ZNF438: variants seen among roughly 807,000 people sequenced by gnomAD.
The protein encoded by ZNF438 is zinc finger protein 438.
Under a neutral mutation model 38.0 loss-of-function variants are expected in ZNF438, and 25 were observed. The observed-to-expected ratio is 0.66, with a 90% CI of 0.48 to 0.92. The LOEUF (loss-of-function observed/expected upper bound fraction) is 0.92, where lower values mean the gene tolerates loss of function less well. Ranked by LOEUF, ZNF438 falls within the 40% of genes least tolerant of loss-of-function variation. The probability of loss-of-function intolerance (pLI) is 0.00; values close to 1 mark genes in which losing one functional copy is unlikely to be tolerated. For missense variants in ZNF438, 1,007 were observed against 999.6 expected, an observed-to-expected ratio of 1.01 and a Z score of -0.10; for synonymous variants, 372 against 364.1, an observed-to-expected ratio of 1.02 and a Z score of -0.25.
chr10:30,935,881 T>C (rs1195433164), intron 2 of ZNF438, among the ~76,000 whole-genome samples: 1 of 152,162 alleles, frequency 6.6e-6, no homozygotes, highest in Non-Finnish European at 1.5e-5. Flanking sequence ...AACTGCCCCA[T>C]GATCCAATCA....
chr10:30,904,536 C>T (rs898300888), intron 3 of ZNF438, among the ~76,000 whole-genome samples: 2 of 152,184 alleles, frequency 1.3e-5, no homozygotes, highest in Non-Finnish European at 2.9e-5. Flanking sequence ...TTCTAACTGA[C>T]ACAGCCAGAG....
chr10:30,865,562 T>G (rs2036288753), intron 4 of ZNF438, among the ~76,000 whole-genome samples: 1 of 152,244 alleles, frequency 6.6e-6, no homozygotes, highest in African/African-American at 2.4e-5. Flanking sequence ...TAAAGAACAC[T>G]AGGACTGAAA....
chr10:30,984,273 G>A (rs541960618), intron 1 of ZNF438, 96 bp downstream of exon 2: 1 of 152,240 alleles, frequency 6.6e-6, no homozygotes, highest in East Asian at 1.9e-4. Flanking sequence ...AATTGCTGAA[G>A]TAAGATATGC....
At chr10:31,030,256 C>A (rs1304603345) in intron 1 of ZNF438, among the ~76,000 whole-genome samples, 2 of 152,176 alleles carry the variant, frequency 1.3e-5, no homozygotes, top group Admixed American at 6.5e-5. Context: ...CCCTGTTCCC[C>A]CACTGTCCTC....
chr10:30,927,104 C>A (rs949802768), intron 2 of ZNF438, among the ~76,000 whole-genome samples: 1 of 152,172 alleles, frequency 6.6e-6, no homozygotes, highest in African/African-American at 2.4e-5. Flanking sequence ...TATCACTTAA[C>A]GTGCCAAGAC....
At chr10:30,848,548 C>T in exon 5 of ZNF438, 1 of 1,613,468 alleles carries the variant, frequency 6.2e-7, no homozygotes. Context: ...ATGATCCCTC[C>T]ATGCCTCGCA....
intron 1 of ZNF438, among the ~76,000 whole-genome samples, chr10:30,963,329 T>G (rs1168351661): frequency 7.1e-6 from 1 of 141,352 alleles, no homozygotes; most frequent in Non-Finnish European, 1.5e-5. Flanking sequence ...GAGGTGGAAG[T>G]TGAAGTGAGC....
At chr10:30,950,487 T>C (rs530748245) in intron 1 of ZNF438, among the ~76,000 whole-genome samples, 16 of 150,940 alleles carry the variant, frequency 1.1e-4, no homozygotes, top group African/African-American at 2.9e-4. Flanking sequence ...ATCAACAAAA[T>C]TGATAGACTG....
chr10:30,873,086 T>C (rs1430803801), intron 4 of ZNF438, among the ~76,000 whole-genome samples: 1 of 152,218 alleles, frequency 6.6e-6, no homozygotes, highest in Non-Finnish European at 1.5e-5. Context: ...CAAATCTAAA[T>C]AGTTGGCCTT....
chr10:30,949,192 A>G (rs375936980), intron 1 of ZNF438, among the ~76,000 whole-genome samples: 9,209 of 147,066 alleles, frequency 0.063, 375 homozygotes, highest in Non-Finnish European at 0.086. Flanking sequence ...TTACAGACAA[A>G]CAAATGCTGA....
intron 1 of ZNF438, among the ~76,000 whole-genome samples, chr10:31,004,943 A>C (rs2054982705): frequency 6.6e-6 from 1 of 152,252 alleles, no homozygotes; most frequent in Non-Finnish European, 1.5e-5. Context: ...TATTACTTTA[A>C]TAAGTTACCA....
At chr10:30,915,291 A>G (rs2043494577) in intron 2 of ZNF438, among the ~76,000 whole-genome samples, 1 of 152,074 alleles carries the variant, frequency 6.6e-6, no homozygotes, top group African/African-American at 2.4e-5. Flanking sequence ...GGTCATTCCT[A>G]TGAGAATTCA....
At chr10:30,963,343 G>T (rs1164896852) in intron 1 of ZNF438, among the ~76,000 whole-genome samples, 1 of 138,312 alleles carries the variant, frequency 7.2e-6, no homozygotes, top group Non-Finnish European at 1.5e-5. Flanking sequence ...AGTGAGCCGA[G>T]ATCGTGATAC....
chr10:30,898,981 T>A (rs989010000), intron 3 of ZNF438, among the ~76,000 whole-genome samples: 3 of 152,344 alleles, frequency 2.0e-5, no homozygotes, highest in African/African-American at 4.8e-5. Context: ...CAAATTTTTT[T>A]AAAAATCCAA....
chr10:30,986,990 A>T (rs1230850329), intron 1 of ZNF438, among the ~76,000 whole-genome samples: 1 of 152,232 alleles, frequency 6.6e-6, no homozygotes, highest in African/African-American at 2.4e-5. Context: ...GTGAAACAGA[A>T]ATAAACTTGG....
intron 1 of ZNF438, among the ~76,000 whole-genome samples, chr10:30,981,803 G>C (rs565719056): frequency 6.6e-6 from 1 of 151,828 alleles, no homozygotes; most frequent in South Asian, 2.1e-4. Flanking sequence ...ACTTGAACCC[G>C]GGAGGTGGAG....
intron 1 of ZNF438, among the ~76,000 whole-genome samples, chr10:30,986,015 G>A (rs1008056402): frequency 1.1e-4 from 17 of 152,192 alleles, no homozygotes; most frequent in African/African-American, 4.1e-4. Flanking sequence ...TTACTATTGT[G>A]TTACAATTGC....
rs541923858 is a variant in ZNF438, at chr10:30,983,536, C to T, written c.-191-41885G>A. Among the ~76,000 whole-genome samples, 3 of 152,242 alleles carry T rather than the reference C, an allele frequency of 2.0e-5. No homozygotes were observed. The East Asian group carries it at 5.8e-4, about 29-fold the overall frequency. ...TTCGCCCTCATGATCCAATCACCTC[C>T]CATCAGGCCCCTCCTCCAACATTGG... On this transcript the variant is annotated intron_variant, in intron 1 of 5. Coordinates refer to ENST00000413025, the Ensembl canonical transcript of ZNF438.
intron 2 of ZNF438, among the ~76,000 whole-genome samples, chr10:30,931,579 C>T (rs1243551468): frequency 6.6e-6 from 1 of 152,172 alleles, no homozygotes; most frequent in Non-Finnish European, 1.5e-5. Context: ...GTGTCCCTTT[C>T]ACCATTTAGG....
Sources: gnomAD v4.1 joint callset for allele counts (sites outside exome capture counted in the v4.1 genomes callset) on GRCh38, gnomAD v4.1.1 for gene constraint, MANE v1.5 for transcripts, NCBI Gene and HGNC (gene_info 2026-07-23, HGNC 2026-07-21) for gene names.